SH2D4A: variants seen among roughly 807,000 people sequenced by gnomAD.
SH2D4A encodes the protein SH2 domain containing 4A.
In SH2D4A, 70 loss-of-function variants were observed where a neutral mutation model predicts 64.7. The observed-to-expected ratio is 1.08, with a 90% confidence interval of 0.89 to 1.32. The LOEUF (loss-of-function observed/expected upper bound fraction) is 1.32. Among genes scored for constraint, SH2D4A ranks in the 40% most tolerant of loss-of-function variants. SH2D4A has a pLI of 0.00. For missense variants in SH2D4A, 706 were observed against 540.1 expected, an observed-to-expected ratio of 1.31 and a Z score of -3.04; for synonymous variants, 268 against 200.7, an observed-to-expected ratio of 1.34 and a Z score of -2.83.
intron 8 of SH2D4A, among the ~76,000 whole-genome samples, chr8:19,377,964 C>T (rs1392229956): frequency 2.0e-5 from 3 of 152,130 alleles, no homozygotes; most frequent in Non-Finnish European, 4.4e-5. Flanking sequence ...TATGTACTTG[C>T]CAGTTCTTGA....
chr8:19,378,079 A>G (rs974110126), intron 8 of SH2D4A, among the ~76,000 whole-genome samples: 5 of 152,178 alleles, frequency 3.3e-5, no homozygotes, highest in Admixed American at 1.3e-4. Flanking sequence ...CTGGATGAGT[A>G]GGTCTTCTGT....
chr8:19,337,805 A>T (rs544346499), intron 4 of SH2D4A, among the ~76,000 whole-genome samples: 1 of 152,258 alleles, frequency 6.6e-6, no homozygotes, highest in Admixed American at 6.5e-5. Context: ...ACCCACCCCC[A>T]TGATTTAACT....
chr8:19,364,658 C>T (rs1236787209), intron 7 of SH2D4A, among the ~76,000 whole-genome samples: 1 of 150,804 alleles, frequency 6.6e-6, no homozygotes, highest in Admixed American at 6.6e-5. Context: ...TTCACTGATG[C>T]CCAAGATCAC....
intron 1 of SH2D4A, 81 bp downstream of exon 1, chr8:19,313,904 T>G: frequency 7.6e-6 from 10 of 1,323,764 alleles, no homozygotes; most frequent in Non-Finnish European, 9.6e-6. Flanking sequence ...CCTCGGAGGT[T>G]GCATGGGTGC....
In SH2D4A at chr8:19,364,176, G is replaced by A. The variant is rs149343810; in HGVS notation, c.811G>A (p.Glu271Lys). 3 of 1,614,036 alleles carry A rather than the reference G, an allele frequency of 1.9e-6. No individual in the cohort carries two copies. Among genetic ancestry groups the A allele is most frequent in the Non-Finnish European group, 2.5e-6 (3 of 1,180,014 alleles). The change falls in exon 7 of 10, where the codon GAG becomes AAG. Residue 271 changes from glutamate (E) to lysine (K), a missense_variant. Coordinates refer to ENST00000265807, the MANE Select transcript of SH2D4A (RefSeq NM_022071.4). ...SLGAQKGRGG[E>K]RLQSPLRVPQ... ...CGGGGCCCAGAAAGGAAGAGGCGGT[G>A]AGAGGCTGCAAAGCCCCTTGCGTGT...
chr8:19,365,834 T>C (rs1022555460), intron 7 of SH2D4A, among the ~76,000 whole-genome samples: 4 of 152,134 alleles, frequency 2.6e-5, no homozygotes, highest in Non-Finnish European at 5.9e-5. Context: ...CTGTGGAGTT[T>C]TGCTCGATCT....
intron 7 of SH2D4A, among the ~76,000 whole-genome samples, chr8:19,366,661 G>A (rs543088518): frequency 2.3e-4 from 35 of 152,210 alleles, no homozygotes; most frequent in South Asian, 2.1e-3. Context: ...CTGGTGTGGC[G>A]TGCACCTGTA....
chr8:19,346,263 C>G (rs767966878), intron 4 of SH2D4A, among the ~76,000 whole-genome samples: 1 of 152,182 alleles, frequency 6.6e-6, no homozygotes, highest in African/African-American at 2.4e-5. Context: ...TGTTAGGAAC[C>G]AGGCCACATG....
intron 8 of SH2D4A, among the ~76,000 whole-genome samples, chr8:19,392,111 G>GT (rs2053502825): frequency 6.6e-6 from 1 of 152,060 alleles, no homozygotes; most frequent in African/African-American, 2.4e-5. Flanking sequence ...TGGAACATGA[G>GT]TCAGACCTCA....
chr8:19,385,349 A>G (rs2053368729), intron 8 of SH2D4A, among the ~76,000 whole-genome samples: 1 of 151,874 alleles, frequency 6.6e-6, no homozygotes. Context: ...AGTTGGAATT[A>G]CAAGGCATGG....
intron 7 of SH2D4A, among the ~76,000 whole-genome samples, chr8:19,372,289 T>C (rs1377886312): frequency 1.3e-5 from 2 of 152,084 alleles, no homozygotes; most frequent in African/African-American, 4.8e-5. Context: ...TTGCTGCAGC[T>C]CTCCCAAGGG....
At chr8:19,353,992 ATTTTTT>A (rs56334713) in intron 4 of SH2D4A, among the ~76,000 whole-genome samples, 1 of 133,626 alleles carries the variant, frequency 7.5e-6, no homozygotes. Flanking sequence ...TTTTCAACTA[ATTTTTT>A]TTTTTTTTTT....
chr8:19,385,332 C>T (rs1324368840), intron 8 of SH2D4A, among the ~76,000 whole-genome samples: 4 of 151,970 alleles, frequency 2.6e-5, no homozygotes, highest in Admixed American at 6.5e-5. Flanking sequence ...GCCTCTGCCT[C>T]CCAGGTAGTT....
intron 4 of SH2D4A, among the ~76,000 whole-genome samples, chr8:19,345,250 C>A (rs1201854976): frequency 4.6e-5 from 7 of 152,176 alleles, no homozygotes; most frequent in Non-Finnish European, 1.0e-4. Flanking sequence ...TGCAGGCAGC[C>A]ACATGGAGTC....
intron 1 of SH2D4A, among the ~76,000 whole-genome samples, chr8:19,318,743 C>A (rs1016239778): frequency 6.6e-6 from 1 of 152,178 alleles, no homozygotes; most frequent in Non-Finnish European, 1.5e-5. Flanking sequence ...AGTAGGTTAT[C>A]TGGAAATTAC....
At chr8:19,380,944 T>C (rs968822145) in intron 8 of SH2D4A, among the ~76,000 whole-genome samples, 12 of 152,216 alleles carry the variant, frequency 7.9e-5, no homozygotes, top group Non-Finnish European at 1.5e-4. Context: ...ATTGAATCTG[T>C]ATATCATTTT....
At chr8:19,369,263 T>TTCA (rs1300757182) in intron 7 of SH2D4A, among the ~76,000 whole-genome samples, 2 of 152,150 alleles carry the variant, frequency 1.3e-5, no homozygotes, top group Non-Finnish European at 2.9e-5. Flanking sequence ...TGTATCTATG[T>TTCA]TCATCATCAT....
At chr8:19,322,259 A>C (rs2052203499) in intron 2 of SH2D4A, among the ~76,000 whole-genome samples, 1 of 152,162 alleles carries the variant, frequency 6.6e-6, no homozygotes, top group African/African-American at 2.4e-5. Flanking sequence ...TCTGTGCTGC[A>C]GACCTGCTAA....
chr8:19,362,105 G>A (rs1263659731), intron 6 of SH2D4A, among the ~76,000 whole-genome samples: 4 of 152,208 alleles, frequency 2.6e-5, no homozygotes, highest in Non-Finnish European at 5.9e-5. Flanking sequence ...GCTTGAGGAA[G>A]ACAGCAGGTA....
Sources: allele counts gnomAD v4.1 joint callset (sites outside exome capture counted in the v4.1 genomes callset), GRCh38; gene constraint gnomAD v4.1.1; transcripts MANE v1.5; gene names NCBI Gene and HGNC (gene_info 2026-07-23, HGNC 2026-07-21).